UBE2Q1: variants seen among roughly 807,000 people sequenced by gnomAD.
UBE2Q1 encodes ubiquitin conjugating enzyme E2 Q1.
In UBE2Q1, 6 loss-of-function variants were observed where a neutral mutation model predicts 60.1. That is an observed-to-expected ratio of 0.10 (90% CI 0.05 to 0.20). UBE2Q1 has a LOEUF of 0.20. Among genes scored for constraint, UBE2Q1 ranks in the 10% least tolerant of loss-of-function variants. The pLI is 1.00. For missense variants in UBE2Q1, 262 were observed against 525.8 expected (o/e 0.50, Z 4.91); for synonymous variants, 226 against 208.3 (o/e 1.09, Z -0.73).
intron 4 of UBE2Q1, 139 bp from the exon 5 acceptor site, chr1:154,553,311 C>T (rs550178404): frequency 1.3e-5 from 14 of 1,106,610 alleles, no homozygotes; most frequent in East Asian, 5.1e-5. Context: ...GTCTTATAAA[C>T]GCAACGTGCT....
In UBE2Q1 at chr1:154,555,880, T is replaced by C. The variant is rs1002897010; in HGVS notation, c.412A>G (p.Ile138Val). The C allele has an allele frequency of 6.8e-6, 11 of 1,614,024 alleles. No homozygotes were observed. The highest frequency in any genetic ancestry group is 9.3e-6 in the Non-Finnish European group (11 of 1,180,020). ...CTCACCAGAGTATTCCCTTTCTTTA[T>C]GTCCACCAGCCTCTCCAAGACAGCA... ...LAAVLERLVD[I>V]KKGNTLLLQH... Residue 138 changes from isoleucine (I) to valine (V), a missense_variant, in exon 2 of 13, where the codon ATA becomes GTA. Transcript: ENST00000292211.
intron 11 of UBE2Q1, 183 bp from the exon 12 acceptor site, chr1:154,551,187 C>T (rs1225040294): frequency 9.3e-6 from 8 of 864,756 alleles, no homozygotes; most frequent in Non-Finnish European, 1.4e-5. Flanking sequence ...CTTCCTTTTC[C>T]AGACCCGAAA....
intron 1 of UBE2Q1, among the ~76,000 whole-genome samples, chr1:154,556,815 A>C (rs1301735373): frequency 6.6e-6 from 1 of 152,204 alleles, no homozygotes; most frequent in African/African-American, 2.4e-5. Context: ...CAACAGAAAG[A>C]GCAGCTGGAT....
At chr1:154,552,495 G>C in intron 6 of UBE2Q1, 31 bp from the exon 7 acceptor site, 1 of 1,613,498 alleles carries the variant, frequency 6.2e-7, no homozygotes, top group South Asian at 1.1e-5. Flanking sequence ...GGTGTTAGTA[G>C]AATGGTCCAG....
intron 3 of UBE2Q1, chr1:154,555,003 GA>G: frequency 1.8e-6 from 1 of 557,966 alleles, no homozygotes. Context: ...AAGAATAAAA[GA>G]AAAGCAAAAT....
In UBE2Q1 at chr1:154,549,227, G is replaced by C. The variant is rs1695750186; in HGVS notation, c.*1211C>G. The C allele has an allele frequency of 2.0e-5, 3 of 152,332 alleles. No homozygotes were observed. Among genetic ancestry groups the C allele is most frequent in the African/African-American group, 7.2e-5 (3 of 41,462 alleles). The allele number at this position is 152,332 out of a possible 1,614,324, so 9.4% of individuals were successfully genotyped here. ...AAGTACATACAACACAGCACTGACA[G>C]TTCCATCTCAGTACAGACTCCCCAC... On this transcript the variant is annotated 3_prime_UTR_variant, in exon 13 of 13. Coordinates refer to ENST00000292211, the MANE Select transcript of UBE2Q1 (RefSeq NM_017582.7).
In UBE2Q1 at chr1:154,556,414, G is replaced by A. The variant is rs564341605; in HGVS notation, c.328-450C>T. Among the ~76,000 whole-genome samples the A allele has an allele frequency of 1.4e-3, 207 of 152,262 alleles. 3 individuals are homozygous for A. Among genetic ancestry groups the A allele is most frequent in the South Asian group, 2.5e-3 (12 of 4,826 alleles). On this transcript the variant is annotated intron_variant, in intron 1 of 12. Transcript: ENST00000292211. ...TCACAATGACACTGAAGTGAAAAAAGCAGAGTTCAGTAGGGAAGAAGTATA... is the reference window on the plus strand; with the variant it reads ...TCACAATGACACTGAAGTGAAAAAAACAGAGTTCAGTAGGGAAGAAGTATA...
In UBE2Q1 at chr1:154,549,677, T is replaced by A. The variant is rs1695759341; in HGVS notation, c.*761A>T. On this transcript the variant is annotated 3_prime_UTR_variant, in exon 13 of 13. Coordinates refer to ENST00000292211, the MANE Select transcript of UBE2Q1 (RefSeq NM_017582.7). Reference sequence around the variant, plus strand: ...TCTTTTTCTTAGAAATTTGAAAACATCTGTGACTAGAAAAGTAGTCCTAAG... The same window carrying A: ...TCTTTTTCTTAGAAATTTGAAAACAACTGTGACTAGAAAAGTAGTCCTAAG... 1 of 152,660 alleles carries A rather than the reference T, an allele frequency of 6.6e-6. No individual in the cohort carries two copies. The highest frequency in any genetic ancestry group is 1.5e-5 in the Non-Finnish European group (1 of 68,030). The allele number at this position is 152,660 out of a possible 1,614,324, so 9.5% of individuals were successfully genotyped here.
chr1:154,556,517 C>G (rs1695890790), intron 1 of UBE2Q1, among the ~76,000 whole-genome samples: 2 of 152,178 alleles, frequency 1.3e-5, no homozygotes, highest in African/African-American at 2.4e-5. Context: ...CCAGAAGAGC[C>G]CCTCAAAGAC....
At position 154,548,584 on chromosome 1, in the gene UBE2Q1, A is replaced by ATAATT. The variant is rs775222125; in HGVS notation, c.*1849_*1853dup. 2.6e-4 allele frequency: 40 copies of ATAATT among 152,652 alleles called. No individual in the cohort carries two copies. Among genetic ancestry groups the ATAATT allele is most frequent in the Non-Finnish European group, 5.1e-4 (35 of 68,040 alleles). 9.5% of individuals were successfully genotyped at this position (152,652 alleles called of 1,614,324 possible). ...ATTTTATTAGAGCCAAACTATTTAA[A>ATAATT]TAATTTTATTTGTTTCATCCTTTGG... On this transcript the variant is annotated 3_prime_UTR_variant, in exon 13 of 13. Coordinates refer to ENST00000292211, the MANE Select transcript of UBE2Q1 (RefSeq NM_017582.7).
chr1:154,550,479 A>C lies in UBE2Q1; in HGVS notation c.1238-10T>G. Reference sequence around the variant, plus strand: ...GGGGGTGTGTACCAGCCTGCAAAGAAATGGAATGGTCAGTGAGGTGAAGGT... The same window carrying C: ...GGGGGTGTGTACCAGCCTGCAAAGACATGGAATGGTCAGTGAGGTGAAGGT... On this transcript the variant is annotated splice_polypyrimidine_tract_variant and intron_variant, in intron 12 of 12. Transcript: ENST00000292211. 1 of 1,613,892 alleles carries C rather than the reference A, an allele frequency of 6.2e-7. No individual in the cohort carries two copies. Among genetic ancestry groups the C allele is most frequent in the Non-Finnish European group, 8.5e-7 (1 of 1,179,970 alleles).
chr1:154,556,821 T>C (rs897434026), intron 1 of UBE2Q1, among the ~76,000 whole-genome samples: 2 of 152,180 alleles, frequency 1.3e-5, no homozygotes, highest in African/African-American at 4.8e-5. Context: ...AAAGAGCAGC[T>C]GGATAGGGGC....
chr1:154,555,611 G>C, intron 2 of UBE2Q1, 79 bp from the exon 3 acceptor site: 1 of 1,336,974 alleles, frequency 7.5e-7, no homozygotes, highest in Non-Finnish European at 1.1e-6. Context: ...CTCTTAGTTT[G>C]GGCCCCACAC....
intron 4 of UBE2Q1, among the ~76,000 whole-genome samples, chr1:154,554,484 T>C (rs138095324): frequency 6.6e-6 from 1 of 152,338 alleles, no homozygotes; most frequent in East Asian, 1.9e-4. Context: ...CACAGGTTTG[T>C]TGGACTCCAA....
intron 3 of UBE2Q1, 98 bp downstream of exon 3, chr1:154,555,330 T>G (rs1205260810): frequency 1.9e-5 from 19 of 1,015,518 alleles, no homozygotes; most frequent in Non-Finnish European, 2.8e-5. Flanking sequence ...TGGGAGCCGG[T>G]GGGGATGGAG....
rs1186435715 is a variant in UBE2Q1, at chr1:154,550,488, G to C, written c.1238-19C>G. 4.3e-6 allele frequency: 7 copies of C among 1,613,786 alleles called. No individual in the cohort carries two copies. Among genetic ancestry groups the C allele is most frequent in the Non-Finnish European group, 5.9e-6 (7 of 1,179,904 alleles). ...TACCAGCCTGCAAAGAAATGGAATG[G>C]TCAGTGAGGTGAAGGTTCAGGCCCA... On this transcript the variant is annotated intron_variant, in intron 12 of 12. Transcript: ENST00000292211.
intron 4 of UBE2Q1, among the ~76,000 whole-genome samples, 165 bp from the exon 5 acceptor site, chr1:154,553,337 A>G (rs978218537): frequency 1.3e-5 from 2 of 152,186 alleles, no homozygotes; most frequent in African/African-American, 4.8e-5. Flanking sequence ...TTTTTAGAAC[A>G]ATTTCCAGCC....
At chr1:154,552,317 G>A (rs1462994043) in intron 7 of UBE2Q1, 87 bp downstream of exon 7, 3 of 1,593,690 alleles carry the variant, frequency 1.9e-6, no homozygotes, top group African/African-American at 2.7e-5. Flanking sequence ...TGAAAATGCT[G>A]GATGGGGCTG....
chr1:154,550,263 T>A lies in UBE2Q1; in HGVS notation c.*175A>T, dbSNP rs1375032800. Reference sequence around the variant, plus strand: ...TTGAGTACTTGAAACAGTTCTGTGTTTGTTTTTTTTCCTTAGCGTTTAGAA... The same window carrying A: ...TTGAGTACTTGAAACAGTTCTGTGTATGTTTTTTTTCCTTAGCGTTTAGAA... On this transcript the variant is annotated 3_prime_UTR_variant, in exon 13 of 13. Transcript: ENST00000292211. The A allele has an allele frequency of 1.1e-6, 1 of 878,518 alleles. No individual in the cohort carries two copies. Among genetic ancestry groups the A allele is most frequent in the Non-Finnish European group, 1.8e-6 (1 of 556,696 alleles). The allele number at this position is 878,518 out of a possible 1,614,324, so 54.4% of individuals were successfully genotyped here. A position where few individuals can be genotyped will look rare whatever the true frequency, so the allele number is the denominator to read the frequency against.
Sources: allele counts gnomAD v4.1 joint callset (sites outside exome capture counted in the v4.1 genomes callset), GRCh38; gene constraint gnomAD v4.1.1; transcripts MANE v1.5; gene names NCBI Gene and HGNC (gene_info 2026-07-23, HGNC 2026-07-21).